Variants in PTPRT observed in about 807,000 individuals in gnomAD.
The protein encoded by PTPRT is protein tyrosine phosphatase receptor type T.
A neutral mutation model predicts 176.8 loss-of-function variants in PTPRT; 56 were observed. The ratio of observed to expected loss-of-function variants is 0.32; its 90% CI spans 0.26 to 0.40. The LOEUF is 0.40. PTPRT is among the 10% of genes least tolerant of loss of function. The pLI, the probability that PTPRT is intolerant of heterozygous loss-of-function variation, is 1.00. For synonymous variants in PTPRT, 783 were observed against 739.0 expected, an observed-to-expected ratio of 1.06 and a Z score of -0.96; for missense variants, 1,540 against 1,908.2, an observed-to-expected ratio of 0.81 and a Z score of 3.60.
At chr20:42,106,017 G>A (rs1986404000) in intron 24 of PTPRT, among the ~76,000 whole-genome samples, 1 of 152,220 alleles carries the variant, frequency 6.6e-6, no homozygotes, top group Non-Finnish European at 1.5e-5. Context: ...TGGCGAAAAA[G>A]CAGAGGCCTT....
chr20:42,865,731 T>C lies in PTPRT; in HGVS notation c.214+20076A>G, dbSNP rs11698186. Among the ~76,000 whole-genome samples, 1,063 of 152,206 alleles carry C rather than the reference T, an allele frequency of 7.0e-3. 6 individuals carry two copies. Among genetic ancestry groups the C allele is most frequent in the Middle Eastern group, 0.045 (13 of 292 alleles). Reference sequence around the variant, plus strand: ...AAGTACAGCAGGTAGAGGAAGAAACTACAGGGATGCAAGCAACAGCTCCAA... The same window carrying C: ...AAGTACAGCAGGTAGAGGAAGAAACCACAGGGATGCAAGCAACAGCTCCAA... On this transcript the variant is annotated intron_variant, in intron 2 of 30. Transcript: ENST00000373187.
intron 1 of PTPRT, among the ~76,000 whole-genome samples, chr20:43,134,332 A>G (rs1229343380): frequency 6.6e-6 from 1 of 152,358 alleles, no homozygotes; most frequent in Middle Eastern, 3.4e-3. Flanking sequence ...TGTAAAATCC[A>G]GCTGAAGAAA....
intron 2 of PTPRT, among the ~76,000 whole-genome samples, chr20:42,829,967 T>A (rs1050771648): frequency 1.3e-5 from 2 of 151,860 alleles, no homozygotes; most frequent in African/African-American, 4.8e-5. Flanking sequence ...AGTCTACCAA[T>A]CAAAACAAGC....
At chr20:42,575,940 GC>G (rs2073252282) in intron 7 of PTPRT, among the ~76,000 whole-genome samples, 2 of 152,090 alleles carry the variant, frequency 1.3e-5, no homozygotes, top group Admixed American at 6.5e-5. Flanking sequence ...GCCAGAGTGA[GC>G]ATATAAAATG....
At chr20:42,977,133 C>T (rs1273683603) in intron 1 of PTPRT, among the ~76,000 whole-genome samples, 3 of 152,144 alleles carry the variant, frequency 2.0e-5, no homozygotes, top group Non-Finnish European at 4.4e-5. Flanking sequence ...AATGAAGACC[C>T]TGGGTTCCAA....
intron 1 of PTPRT, among the ~76,000 whole-genome samples, chr20:43,162,011 A>G (rs1221467063): frequency 6.6e-6 from 1 of 152,230 alleles, no homozygotes; most frequent in Non-Finnish European, 1.5e-5. Context: ...TTATTGCAAC[A>G]TTACCATGCT....
the PTPRT span, among the ~76,000 whole-genome samples, chr20:42,050,710 G>T: frequency 6.6e-6 from 1 of 152,188 alleles, no homozygotes; most frequent in African/African-American, 2.4e-5. Flanking sequence ...GCGGCCACAG[G>T]GATACTGACC....
intron 7 of PTPRT, among the ~76,000 whole-genome samples, chr20:42,545,465 A>C (rs6065509): frequency 0.37 from 56,629 of 151,760 alleles, 10,613 homozygotes; most frequent in Admixed American, 0.42. Context: ...CACACCCACT[A>C]TGGCGAGATT....
At position 42,521,251 on chromosome 20, in the gene PTPRT, T is replaced by C. The variant is rs547878310; in HGVS notation, c.1154-48689A>G. Reference sequence around the variant, plus strand: ...CAAGATAAAATACCCCTTAAGCTCATATAAAAACTTACGATTTAAATTTAG... The same window carrying C: ...CAAGATAAAATACCCCTTAAGCTCACATAAAAACTTACGATTTAAATTTAG... On this transcript the variant is annotated intron_variant, in intron 7 of 30. Transcript: ENST00000373187. 4.7e-4 allele frequency among the ~76,000 whole-genome samples: 71 copies of C among 152,156 alleles called. 1 individual carries two copies. The highest frequency in any genetic ancestry group is 8.7e-4 in the Non-Finnish European group (59 of 68,006).
chr20:42,095,485 T>G (rs1985110436), intron 27 of PTPRT, among the ~76,000 whole-genome samples: 1 of 152,208 alleles, frequency 6.6e-6, no homozygotes. Flanking sequence ...GATGCCCCCC[T>G]GAGAGTCACA....
At chr20:42,100,464 G>A (rs1389191234) in intron 26 of PTPRT, among the ~76,000 whole-genome samples, 1 of 152,220 alleles carries the variant, frequency 6.6e-6, no homozygotes, top group African/African-American at 2.4e-5. Context: ...ATATCAGAAA[G>A]GCAAAGGCCC....
At chr20:42,338,957 A>G (rs1038360622) in intron 11 of PTPRT, among the ~76,000 whole-genome samples, 3 of 152,226 alleles carry the variant, frequency 2.0e-5, no homozygotes, top group Non-Finnish European at 2.9e-5. Context: ...GAAAAAGAAC[A>G]TAATCAAAAC....
At chr20:42,120,050 C>G in intron 19 of PTPRT, 79 bp from the exon 20 acceptor site, 1 of 1,326,446 alleles carries the variant, frequency 7.5e-7, no homozygotes, top group Non-Finnish European at 1.0e-6. Context: ...AACATCCTCT[C>G]CAAGTCTTGA....
chr20:42,299,700 T>A (rs2057433230), intron 12 of PTPRT, among the ~76,000 whole-genome samples: 1 of 135,034 alleles, frequency 7.4e-6, no homozygotes, highest in Non-Finnish European at 1.5e-5. Context: ...CAGGCTGGAG[T>A]GCAGTGGCGC....
intron 7 of PTPRT, among the ~76,000 whole-genome samples, chr20:42,577,390 G>A (rs1361520747): frequency 2.6e-5 from 4 of 152,154 alleles, no homozygotes; most frequent in African/African-American, 9.7e-5. Flanking sequence ...AGGACCACCA[G>A]GCTGTGCTGC....
At position 42,677,987 on chromosome 20, in the gene PTPRT, G is replaced by T. The variant is rs202093079; in HGVS notation, c.1032C>A (p.Asn344Lys). The T allele has an allele frequency of 4.7e-4, 757 of 1,614,082 alleles. 5 individuals are homozygous for T. Among genetic ancestry groups the T allele is most frequent in the Non-Finnish European group, 9.5e-5 (112 of 1,180,058 alleles). The change falls in exon 7 of 31, where the codon AAC (asparagine) becomes AAA (lysine). Residue 344 changes from asparagine (N) to lysine (K), a missense_variant. Asn to Lys is a moderately conservative substitution (Grantham distance 94, BLOSUM62 0). Coordinates refer to ENST00000373187, the MANE Select transcript of PTPRT (RefSeq NM_007050.6). ...CGGGGTCCAGATGCCACAGCTTATA[G>T]TTGGGAGAGTCGACTATGTGGGTCT... ...WAETHIVDSP[N>K]YKLWHLDPDV...
chr20:42,629,571 G>A (rs1173937285), intron 7 of PTPRT, among the ~76,000 whole-genome samples: 1 of 152,132 alleles, frequency 6.6e-6, no homozygotes, highest in East Asian at 1.9e-4. Context: ...GCCTGGTTGG[G>A]GGAAGATATA....
chr20:42,204,669 G>C (rs2055406819), intron 15 of PTPRT, among the ~76,000 whole-genome samples: 1 of 152,158 alleles, frequency 6.6e-6, no homozygotes, highest in African/African-American at 2.4e-5. Context: ...ACCTTCGCTT[G>C]TTAGCTGAGG....
the PTPRT span, among the ~76,000 whole-genome samples, chr20:42,061,206 C>T: frequency 7.2e-5 from 11 of 152,250 alleles, no homozygotes; most frequent in South Asian, 1.2e-3. Context: ...CCAGGGGCCT[C>T]ATGTGGAACT....
Sources: allele counts gnomAD v4.1 joint callset (sites outside exome capture counted in the v4.1 genomes callset), GRCh38; gene constraint gnomAD v4.1.1; transcripts MANE v1.5; gene names NCBI Gene and HGNC (gene_info 2026-07-23, HGNC 2026-07-21).